BTBD10: variants seen among roughly 807,000 people sequenced by gnomAD.
BTBD10 encodes the protein BTB domain containing 10, also known as BTB/POZ domain-containing protein 10.
In BTBD10, 21 loss-of-function variants were observed where a neutral mutation model predicts 53.2. The observed-to-expected ratio is 0.39, with a 90% CI of 0.28 to 0.57. The LOEUF is 0.57. Among genes scored for constraint, BTBD10 ranks in the 20% least tolerant of loss-of-function variants. BTBD10 has a pLI of 0.53. For missense variants in BTBD10, 360 were observed against 594.7 expected (o/e 0.61, Z 4.10); for synonymous variants, 149 against 192.7 (o/e 0.77, Z 1.88).
chr11:13,408,808 T>C (rs1197130206), intron 6 of BTBD10, among the ~76,000 whole-genome samples: 1 of 152,204 alleles, frequency 6.6e-6, no homozygotes, highest in Admixed American at 6.5e-5. Flanking sequence ...ATCTCATACC[T>C]GGACTTTGAC....
rs765900115 is a variant in BTBD10 at position 13,445,031 on chromosome 11, G to T, written c.94C>A (p.His32Asn). 1.7e-5 allele frequency: 27 copies of T among 1,605,476 alleles called. No homozygotes were observed. Among genetic ancestry groups the T allele is most frequent in the Non-Finnish European group, 2.2e-5 (26 of 1,172,716 alleles). The change falls in exon 2 of 9, where the codon CAT (histidine) becomes AAT (asparagine). Residue 32 changes from histidine (H) to asparagine (N), a missense_variant. By Grantham distance (68) the His-to-Asn change is moderately conservative. Transcript: ENST00000278174. ...LHSRPRKLYK[H>N]SSTSSRIAKG... ...TACATATTTTCTACCTACCTTGAAT[G>T]TTTATAAAGTTTACGAGGTCTACTA... is the stretch of plus-strand genomic sequence containing the variant.
At chr11:13,421,906 C>A (rs1591131234) in intron 2 of BTBD10, 68 bp from the exon 3 acceptor site, 2 of 1,304,154 alleles carry the variant, frequency 1.5e-6, no homozygotes, top group East Asian at 5.0e-5. Context: ...TTAAAAGAAA[C>A]ACCCAAGTAA....
At chr11:13,397,123 C>T (rs1384167692) in intron 8 of BTBD10, among the ~76,000 whole-genome samples, 2 of 152,198 alleles carry the variant, frequency 1.3e-5, no homozygotes, top group Non-Finnish European at 2.9e-5. Flanking sequence ...ATGGTACCAG[C>T]TCCTCCTTGT....
intron 6 of BTBD10, among the ~76,000 whole-genome samples, chr11:13,412,058 C>T (rs908464951): frequency 2.6e-5 from 4 of 151,950 alleles, no homozygotes; most frequent in Non-Finnish European, 4.4e-5. Flanking sequence ...CTCGAACTCC[C>T]GACCTCAGGT....
At chr11:13,427,506 C>G (rs1248562385) in intron 2 of BTBD10, among the ~76,000 whole-genome samples, 1 of 152,126 alleles carries the variant, frequency 6.6e-6, no homozygotes, top group African/African-American at 2.4e-5. Context: ...ACTATGAGAA[C>G]TAGACAATTC....
intron 1 of BTBD10, among the ~76,000 whole-genome samples, chr11:13,452,581 A>T (rs1439451796): frequency 6.6e-6 from 1 of 152,158 alleles, no homozygotes; most frequent in Non-Finnish European, 1.5e-5. Context: ...TTACCATAGC[A>T]AGCATACTTA....
chr11:13,388,568 C>G lies in BTBD10; in HGVS notation c.*263G>C, dbSNP rs1210139146. On this transcript the variant is annotated 3_prime_UTR_variant, in exon 9 of 9. Coordinates refer to ENST00000278174, the MANE Select transcript of BTBD10 (RefSeq NM_032320.7). ...AAAGACCTAGCTGTGTGAAAAAGGA[C>G]CATCCCCCATACAAAGAACCAATTT... The G allele has an allele frequency of 8.3e-6, 3 of 363,358 alleles. No homozygotes were observed. Among genetic ancestry groups the G allele is most frequent in the Non-Finnish European group, 1.0e-5 (2 of 198,652 alleles). The allele number at this position is 363,358 out of a possible 1,614,324, so 22.5% of individuals were successfully genotyped here. A position where few individuals can be genotyped will look rare whatever the true frequency, so the allele number is the denominator to read the frequency against.
intron 1 of BTBD10, among the ~76,000 whole-genome samples, chr11:13,460,930 A>G (rs1951080875): frequency 6.6e-6 from 1 of 152,244 alleles, no homozygotes; most frequent in Non-Finnish European, 1.5e-5. Flanking sequence ...CCTATAAATC[A>G]GCTTTGCTCA....
intron 2 of BTBD10, among the ~76,000 whole-genome samples, chr11:13,438,208 C>G (rs1418508590): frequency 6.6e-6 from 1 of 151,982 alleles, no homozygotes; most frequent in African/African-American, 2.4e-5. Context: ...CTCAGTTCAT[C>G]TGAGCTCTAG....
At position 13,388,784 on chromosome 11, in the gene BTBD10, A is replaced by G. The variant is rs879244197; in HGVS notation, c.*47T>C. 1.1e-5 allele frequency: 17 copies of G among 1,557,308 alleles called. No individual in the cohort carries two copies. The highest frequency in any genetic ancestry group is 1.3e-5 in the African/African-American group (1 of 74,186). ...TGCAGTGCAGAATGAGGAGAGTACA[A>G]CGTCACTGTGAAGAGTAGCATGCTA... On this transcript the variant is annotated 3_prime_UTR_variant, in exon 9 of 9. Transcript: ENST00000278174.
intron 8 of BTBD10, among the ~76,000 whole-genome samples, chr11:13,399,298 T>A (rs1006518512): frequency 1.3e-5 from 2 of 152,202 alleles, no homozygotes; most frequent in Non-Finnish European, 2.9e-5. Flanking sequence ...TCATTCATTT[T>A]GTCTTCCATC....
At chr11:13,415,179 T>A (rs2135807114) in intron 5 of BTBD10, among the ~76,000 whole-genome samples, 1 of 149,266 alleles carries the variant, frequency 6.7e-6, no homozygotes, top group East Asian at 2.0e-4. Context: ...AATGGTGTGA[T>A]CTCAGCTCAC....
At chr11:13,445,229 A>G (rs1950731460) in intron 1 of BTBD10, 48 bp from the exon 2 acceptor site, 2 of 692,262 alleles carry the variant, frequency 2.9e-6, no homozygotes, top group East Asian at 2.6e-5. Context: ...CACGCAGAAT[A>G]AAATAGTCAT....
chr11:13,460,644 G>A (rs1951075312), intron 1 of BTBD10, among the ~76,000 whole-genome samples: 1 of 152,134 alleles, frequency 6.6e-6, no homozygotes, highest in Non-Finnish European at 1.5e-5. Flanking sequence ...TAAGGAAGGG[G>A]CACAAGAGTG....
intron 2 of BTBD10, among the ~76,000 whole-genome samples, chr11:13,444,225 G>A (rs1383114424): frequency 1.3e-5 from 2 of 151,202 alleles, no homozygotes; most frequent in African/African-American, 2.4e-5. Context: ...ACAATATTAT[G>A]GCTTTTTTTT....
chr11:13,423,972 C>T (rs1374889439), intron 2 of BTBD10, among the ~76,000 whole-genome samples: 1 of 152,002 alleles, frequency 6.6e-6, no homozygotes, highest in Non-Finnish European at 1.5e-5. Flanking sequence ...AGAACATAAT[C>T]TTTTCTTTCA....
chr11:13,415,835 T>C (rs930928125), intron 5 of BTBD10, among the ~76,000 whole-genome samples: 2 of 151,760 alleles, frequency 1.3e-5, no homozygotes, highest in Non-Finnish European at 2.9e-5. Flanking sequence ...AATATTCTTT[T>C]GGTAGAGATG....
At chr11:13,425,570 A>G (rs1950319474) in intron 2 of BTBD10, among the ~76,000 whole-genome samples, 1 of 152,216 alleles carries the variant, frequency 6.6e-6, no homozygotes, top group Non-Finnish European at 1.5e-5. Flanking sequence ...CCCTCCAAAA[A>G]GCAATGTAGA....
intron 8 of BTBD10, among the ~76,000 whole-genome samples, chr11:13,396,683 T>C (rs1427813976): frequency 2.0e-5 from 3 of 152,244 alleles, no homozygotes; most frequent in Non-Finnish European, 2.9e-5. Flanking sequence ...GGGTTTGTCA[T>C]AGATAGCTCT....
Sources: allele counts gnomAD v4.1 joint callset (sites outside exome capture counted in the v4.1 genomes callset), GRCh38; gene constraint gnomAD v4.1.1; transcripts MANE v1.5; gene names NCBI Gene and HGNC (gene_info 2026-07-23, HGNC 2026-07-21).